Variants in CECR2 observed in about 807,000 individuals in gnomAD.
CECR2 encodes the protein CECR2 histone acetyl-lysine reader.
In CECR2, 30 loss-of-function variants were observed where a neutral mutation model predicts 154.5. The ratio of observed to expected loss-of-function variants is 0.19; its 90% CI spans 0.15 to 0.26. CECR2 has a LOEUF of 0.26. CECR2 is among the 10% of genes least tolerant of loss of function. CECR2 has a pLI of 1.00. For missense variants in CECR2, 1,743 were observed against 1,829.3 expected, an observed-to-expected ratio of 0.95 and a Z score of 0.86; for synonymous variants, 725 against 683.7, an observed-to-expected ratio of 1.06 and a Z score of -0.94.
chr22:17,546,331 C>CA (rs990469039), intron 16 of CECR2, among the ~76,000 whole-genome samples: 1 of 151,736 alleles, frequency 6.6e-6, no homozygotes, highest in African/African-American at 2.4e-5. Context: ...ACTAAAAATA[C>CA]AAAAAATTAG....
chr22:17,369,302 GGC>G (rs1316652306), upstream of CECR2: 1 of 150,996 alleles, frequency 6.6e-6, no homozygotes, highest in East Asian at 2.0e-4. Context: ...TGGGCCCGGG[GGC>G]GCGCGCCCCG....
At chr22:17,396,961 C>T (rs2053820916) in intron 1 of CECR2, among the ~76,000 whole-genome samples, 1 of 152,058 alleles carries the variant, frequency 6.6e-6, no homozygotes. Flanking sequence ...GAGGAAAAGC[C>T]TAGCACAGTG....
At chr22:17,418,381 A>AT (rs1377533952) in intron 1 of CECR2, among the ~76,000 whole-genome samples, 1 of 152,046 alleles carries the variant, frequency 6.6e-6, no homozygotes, top group Non-Finnish European at 1.5e-5. Context: ...TTAGTGGTTC[A>AT]TTTTCGTTCT....
chr22:17,481,259 C>T (rs1453320237), intron 2 of CECR2, among the ~76,000 whole-genome samples: 4 of 143,346 alleles, frequency 2.8e-5, no homozygotes, highest in African/African-American at 1.0e-4. Flanking sequence ...ATGAGAATGG[C>T]GTGAACCCGG....
chr22:17,365,620 G>A (rs184543963), upstream of CECR2, among the ~76,000 whole-genome samples: 547 of 151,938 alleles, frequency 3.6e-3, 5 homozygotes, highest in East Asian at 0.024. Flanking sequence ...GGTGTGAACC[G>A]GGGAGGCGGA....
chr22:17,403,290 T>G, intron 1 of CECR2, among the ~76,000 whole-genome samples: 1 of 152,262 alleles, frequency 6.6e-6, no homozygotes, highest in South Asian at 2.1e-4. Context: ...CTGCCATTGT[T>G]TGGCTATACC....
intron 1 of CECR2, among the ~76,000 whole-genome samples, chr22:17,388,973 C>T (rs181395033): frequency 2.3e-3 from 352 of 152,096 alleles, no homozygotes; most frequent in African/African-American, 8.0e-3. Flanking sequence ...CCACCATGCC[C>T]GGATAACTTT....
chr22:17,387,601 A>C (rs114987719), intron 1 of CECR2, among the ~76,000 whole-genome samples: 2 of 152,212 alleles, frequency 1.3e-5, no homozygotes, highest in Admixed American at 6.5e-5. Context: ...AGAGCCTAAC[A>C]CTTCCTCACT....
Position 17,553,773 on chromosome 22 carries a change from G to C in CECR2, c.*933G>C, listed in dbSNP as rs2056743705. Reference sequence around the variant, plus strand: ...CCAGTATCAGGAATTGGGATCGCTAGAGTGTTTCACGTATTAGAAGATGAA... The same window carrying C: ...CCAGTATCAGGAATTGGGATCGCTACAGTGTTTCACGTATTAGAAGATGAA... On this transcript the variant is annotated 3_prime_UTR_variant, in exon 19 of 19. Transcript: ENST00000262608. 1 of 152,200 alleles carries C rather than the reference G, an allele frequency of 6.6e-6. No homozygotes were observed. The highest frequency in any genetic ancestry group is 2.1e-4 in the South Asian group (1 of 4,824). 9.4% of individuals were successfully genotyped at this position (152,200 alleles called of 1,614,324 possible).
chr22:17,444,212 C>A (rs1436551508), intron 1 of CECR2, among the ~76,000 whole-genome samples: 1 of 152,196 alleles, frequency 6.6e-6, no homozygotes, highest in Non-Finnish European at 1.5e-5. Context: ...TAGTTGATTG[C>A]AGACAGTGAA....
intron 14 of CECR2, among the ~76,000 whole-genome samples, chr22:17,541,115 A>G (rs893405475): frequency 1.3e-5 from 2 of 152,036 alleles, no homozygotes; most frequent in African/African-American, 4.8e-5. Flanking sequence ...CTTTTTCTCA[A>G]TCACTTGAAT....
At chr22:17,542,091 G>A in intron 15 of CECR2, 66 bp from the exon 16 acceptor site, 1 of 1,575,106 alleles carries the variant, frequency 6.3e-7, no homozygotes. Flanking sequence ...TTCCCATAGA[G>A]AAGCATGGCA....
At chr22:17,380,446 C>T (rs1375038259) in intron 1 of CECR2, among the ~76,000 whole-genome samples, 1 of 152,188 alleles carries the variant, frequency 6.6e-6, no homozygotes, top group East Asian at 1.9e-4. Flanking sequence ...GTATAAGTTT[C>T]ACACTGGAAT....
chr22:17,428,645 T>A (rs960284630), intron 1 of CECR2: 7 of 152,278 alleles, frequency 4.6e-5, no homozygotes, highest in South Asian at 2.1e-4. Context: ...CTTTCTTTTT[T>A]AAATTTAAAT....
At chr22:17,407,913 C>G (rs1230723139) in intron 1 of CECR2, among the ~76,000 whole-genome samples, 1 of 152,108 alleles carries the variant, frequency 6.6e-6, no homozygotes, top group South Asian at 2.1e-4. Context: ...TGGTCTGAAG[C>G]CAGCTTATCT....
intron 1 of CECR2, among the ~76,000 whole-genome samples, chr22:17,435,998 AC>A (rs1199843264): frequency 6.6e-6 from 1 of 151,738 alleles, no homozygotes; most frequent in Non-Finnish European, 1.5e-5. Flanking sequence ...TCGCTCTGTC[AC>A]CCAGGCTGGA....
At chr22:17,525,803 T>C (rs982583748) in intron 9 of CECR2, among the ~76,000 whole-genome samples, 3 of 152,212 alleles carry the variant, frequency 2.0e-5, no homozygotes, top group Admixed American at 6.5e-5. Flanking sequence ...AGGGTCCTTA[T>C]TGGGTACACC....
chr22:17,426,546 G>A (rs62239282), intron 1 of CECR2, among the ~76,000 whole-genome samples: 23,083 of 152,146 alleles, frequency 0.15, 1,777 homozygotes, highest in South Asian at 0.19. Context: ...TGGTAGAGAC[G>A]GGGTTTTGCC....
At chr22:17,478,577 G>A (rs989861625) in intron 2 of CECR2, among the ~76,000 whole-genome samples, 11 of 151,942 alleles carry the variant, frequency 7.2e-5, no homozygotes, top group African/African-American at 2.4e-4. Context: ...GGATGGTCTC[G>A]ATCTCCCGAC....
Sources: gnomAD v4.1 joint callset for allele counts (sites outside exome capture counted in the v4.1 genomes callset) on GRCh38, gnomAD v4.1.1 for gene constraint, MANE v1.5 for transcripts, NCBI Gene and HGNC (gene_info 2026-07-23, HGNC 2026-07-21) for gene names.